TIAM2: variants seen among roughly 807,000 people sequenced by gnomAD.
TIAM2 encodes rho guanine nucleotide exchange factor TIAM2.
In TIAM2, 80 loss-of-function variants were observed where a neutral mutation model predicts 152.9. The ratio of observed to expected loss-of-function variants is 0.52; its 90% CI spans 0.44 to 0.63. TIAM2 has a LOEUF of 0.63. TIAM2 is among the 30% of genes least tolerant of loss of function. The pLI is 0.00. For missense variants in TIAM2, 1,965 were observed against 2,120.1 expected (o/e 0.93, Z 1.44); for synonymous variants, 804 against 838.0 (o/e 0.96, Z 0.70).
At chr6:155,021,710 C>T (rs1000399843) in intron 1 of TIAM2, among the ~76,000 whole-genome samples, 7 of 152,080 alleles carry the variant, frequency 4.6e-5, no homozygotes, top group African/African-American at 1.7e-4. Flanking sequence ...CCTCAGTTGC[C>T]TCATTTAAAC....
At chr6:155,067,723 C>G (rs1418268672) in intron 1 of TIAM2, among the ~76,000 whole-genome samples, 2 of 152,164 alleles carry the variant, frequency 1.3e-5, no homozygotes, top group Non-Finnish European at 2.9e-5. Context: ...TCACTGCAGC[C>G]TCCACCTCCC....
chr6:155,126,309 C>T (rs192699594), intron 2 of TIAM2, among the ~76,000 whole-genome samples: 11 of 152,344 alleles, frequency 7.2e-5, no homozygotes, highest in African/African-American at 2.2e-4. Context: ...TTGCCAGGGG[C>T]TGTGGGACCG....
intron 24 of TIAM2, 67 bp from the exon 25 acceptor site, chr6:155,253,906 C>CAAGT: frequency 8.2e-7 from 1 of 1,222,418 alleles, no homozygotes; most frequent in South Asian, 1.4e-5. Context: ...TTCAACTTTA[C>CAAGT]AAGTGTTCTT....
chr6:155,123,137 A>C (rs1005855692), intron 2 of TIAM2, among the ~76,000 whole-genome samples: 7 of 151,940 alleles, frequency 4.6e-5, no homozygotes, highest in Admixed American at 3.9e-4. Flanking sequence ...CCTGTCAATA[A>C]ATTTCTCATA....
chr6:155,157,760 G>A (rs1051402213), intron 7 of TIAM2, among the ~76,000 whole-genome samples: 4 of 152,298 alleles, frequency 2.6e-5, no homozygotes, highest in South Asian at 4.1e-4. Flanking sequence ...CTACTGCTCC[G>A]TAAGACTTGG....
intron 1 of TIAM2, among the ~76,000 whole-genome samples, chr6:155,083,673 A>G (rs1778119276): frequency 6.6e-6 from 1 of 152,236 alleles, no homozygotes; most frequent in Non-Finnish European, 1.5e-5. Context: ...TAATGAAGAA[A>G]GTCACTTTGC....
At chr6:155,008,505 G>A (rs569735552) in intron 1 of TIAM2, among the ~76,000 whole-genome samples, 1 of 152,292 alleles carries the variant, frequency 6.6e-6, no homozygotes, top group Admixed American at 6.5e-5. Flanking sequence ...GGAAGGAGCT[G>A]TCTCCATTTA....
chr6:155,245,319 C>A (rs532228870), intron 18 of TIAM2, among the ~76,000 whole-genome samples: 1 of 152,328 alleles, frequency 6.6e-6, no homozygotes, highest in South Asian at 2.1e-4. Flanking sequence ...TATTAGTGAA[C>A]CTCTCTCAGA....
At chr6:155,248,762 A>AC (rs1783480391) in intron 20 of TIAM2, among the ~76,000 whole-genome samples, 4 of 152,254 alleles carry the variant, frequency 2.6e-5, no homozygotes, top group Non-Finnish European at 5.9e-5. Context: ...TTGATAGTAA[A>AC]TAGAGGATCC....
intron 1 of TIAM2, among the ~76,000 whole-genome samples, chr6:155,074,315 AT>A (rs138703355): frequency 0.11 from 16,289 of 152,166 alleles, 1,211 homozygotes; most frequent in Admixed American, 0.22. Flanking sequence ...TATTAATTTT[AT>A]TTAATTAATT....
chr6:155,037,770 T>C (rs1467536761), intron 1 of TIAM2, among the ~76,000 whole-genome samples: 1 of 152,162 alleles, frequency 6.6e-6, no homozygotes. Context: ...CCTCAAGTGA[T>C]CTGCCCGCCT....
chr6:155,002,696 T>TATTTATTTATTTATTTATTTA (rs1583144916), intron 1 of TIAM2, among the ~76,000 whole-genome samples: 3 of 152,082 alleles, frequency 2.0e-5, no homozygotes, highest in Non-Finnish European at 2.9e-5. Context: ...TTTATTTATT[T>TATTTATTTATTTATTTATTTA]TTGACACGGA....
At position 155,227,097 on chromosome 6, in the gene TIAM2, G is replaced by A. The variant is rs759039752; in HGVS notation, c.3169-13433G>A. Among the ~76,000 whole-genome samples, 33 of 152,246 alleles carry A rather than the reference G, an allele frequency of 2.2e-4. 1 individual carries two copies. The highest frequency in any genetic ancestry group is 2.0e-4 in the Admixed American group (3 of 15,288). On this transcript the variant is annotated intron_variant, in intron 15 of 26. Transcript: ENST00000682666. ...AAAGTAGATGTTTGTCTCTTAATTT[G>A]CTGTTGCACAAAGTGAAAAGATACT...
At chr6:155,134,152 T>TGG (rs2115044062) in intron 4 of TIAM2, among the ~76,000 whole-genome samples, 1 of 151,946 alleles carries the variant, frequency 6.6e-6, no homozygotes, top group Non-Finnish European at 1.5e-5. Flanking sequence ...GTATGATTTG[T>TGG]GTGTGTGTGT....
intron 4 of TIAM2, among the ~76,000 whole-genome samples, chr6:155,130,779 C>T (rs1266149119): frequency 6.6e-6 from 1 of 152,156 alleles, no homozygotes; most frequent in Non-Finnish European, 1.5e-5. Flanking sequence ...GGCTCTCTTC[C>T]TGGCTGCAGA....
intron 14 of TIAM2, among the ~76,000 whole-genome samples, chr6:155,202,418 T>C (rs1781493160): frequency 6.6e-6 from 1 of 152,152 alleles, no homozygotes. Flanking sequence ...TTTAAATTTA[T>C]TTAGAAGAAA....
chr6:155,242,198 C>T (rs796834555), intron 16 of TIAM2, among the ~76,000 whole-genome samples: 30 of 152,354 alleles, frequency 2.0e-4, no homozygotes, highest in African/African-American at 6.7e-4. Context: ...TCCAGGAAGT[C>T]CTCCCAGGCA....
At chr6:155,083,391 C>T (rs1197955942) in intron 1 of TIAM2, among the ~76,000 whole-genome samples, 1 of 146,440 alleles carries the variant, frequency 6.8e-6, no homozygotes, top group Non-Finnish European at 1.5e-5. Context: ...GAGAGATGGG[C>T]AAGACACTTA....
chr6:155,014,269 C>A (rs1562289824), intron 1 of TIAM2, among the ~76,000 whole-genome samples: 1 of 152,152 alleles, frequency 6.6e-6, no homozygotes, highest in Non-Finnish European at 1.5e-5. Context: ...TATTTGAGGT[C>A]ATTGACCTTA....
Sources: gnomAD v4.1 joint callset for allele counts (sites outside exome capture counted in the v4.1 genomes callset) on GRCh38, gnomAD v4.1.1 for gene constraint, MANE v1.5 for transcripts, NCBI Gene and HGNC (gene_info 2026-07-23, HGNC 2026-07-21) for gene names.